Variants in BEST3 observed in about 807,000 individuals in gnomAD.
BEST3 encodes the protein bestrophin 3, also known as bestrophin-3.
BEST3 carries 50 observed loss-of-function variants against 47.1 expected under a neutral mutation model. The observed-to-expected ratio is 1.06, with a 90% CI of 0.85 to 1.34. BEST3 has a LOEUF of 1.34. Ranked by LOEUF, BEST3 falls within the 40% of genes most tolerant of loss-of-function variation. BEST3 has a pLI of 0.00. For synonymous variants in BEST3, 282 were observed against 298.8 expected (o/e 0.94, Z 0.58); for missense variants, 765 against 817.0 (o/e 0.94, Z 0.78).
rs771878919 is a variant in BEST3 at position 69,694,432 on chromosome 12, A to G, written c.185T>C (p.Phe62Ser). The G allele has an allele frequency of 6.2e-7, 1 of 1,609,118 alleles. No homozygotes were observed. The highest frequency in any genetic ancestry group is 2.2e-5 in the East Asian group (1 of 44,620). ...GTCACAGTAAATTGATAATTTTTCA[A>G]AGTAACGTTTTTGGACTCCTGTAAG... ...LLLTGVQKRY[F>S]EKLSIYCDRY... is the part of the protein sequence containing the mutation. Residue 62 changes from phenylalanine (F) to serine (S), a missense_variant, in exon 3 of 10, where the codon TTT becomes TCT. Phe to Ser is a radical substitution (Grantham distance 155). Transcript: ENST00000330891.
chr12:69,668,427 G>A (rs1337447540), intron 9 of BEST3, among the ~76,000 whole-genome samples: 1 of 152,138 alleles, frequency 6.6e-6, no homozygotes, highest in Non-Finnish European at 1.5e-5. Context: ...TCACTCTCAT[G>A]CAAAGAGCTC....
rs780570896 is a variant in BEST3, at chr12:69,676,991, G to A, written c.792C>T (p.Tyr264=). 13 of 1,614,080 alleles carry A rather than the reference G, an allele frequency of 8.1e-6. No homozygotes were observed. The Admixed American group carries it at 1.5e-4, about 19-fold the overall frequency. ...TGTAAAGATCCAAGTCATGCCCTGCGTAGCCTTTGGTGGGATCCAAAAACT... is the reference window on the plus strand; with the variant it reads ...TGTAAAGATCCAAGTCATGCCCTGCATAGCCTTTGGTGGGATCCAAAAACT... ...GRQFLDPTKG[Y]AGHDLDLYIP... The change falls in exon 7 of 10, where the codon TAC becomes TAT. Residue 264 remains tyrosine (Y), a synonymous_variant. Coordinates refer to ENST00000330891, the MANE Select transcript of BEST3 (RefSeq NM_032735.3).
intron 9 of BEST3, among the ~76,000 whole-genome samples, chr12:69,662,857 T>C (rs1031013278): frequency 2.0e-5 from 3 of 152,232 alleles, no homozygotes; most frequent in African/African-American, 7.2e-5. Context: ...GTCAGCAGTT[T>C]AAAGTTTACA....
intron 9 of BEST3, among the ~76,000 whole-genome samples, chr12:69,658,408 C>A (rs1360660116): frequency 6.6e-6 from 1 of 152,114 alleles, no homozygotes; most frequent in Non-Finnish European, 1.5e-5. Context: ...AAGCAAACTG[C>A]AAAACGTCTG....
At chr12:69,689,522 A>C (rs1885828429) in intron 4 of BEST3, among the ~76,000 whole-genome samples, 1 of 152,218 alleles carries the variant, frequency 6.6e-6, no homozygotes, top group Non-Finnish European at 1.5e-5. Flanking sequence ...AAAATTACTT[A>C]CCAGAAGCAC....
intron 9 of BEST3, among the ~76,000 whole-genome samples, chr12:69,663,836 G>A (rs2197359): frequency 0.31 from 46,718 of 151,836 alleles, 8,099 homozygotes; most frequent in South Asian, 0.54. Flanking sequence ...AATACAAAAG[G>A]CAAAAACCAA....
intron 4 of BEST3, among the ~76,000 whole-genome samples, chr12:69,681,290 G>A (rs775479): frequency 0.7 from 106,796 of 151,978 alleles, 37,569 homozygotes; most frequent in South Asian, 0.81. Flanking sequence ...TTAACCATCT[G>A]TAATCAGTTA....
At chr12:69,691,651 G>T (rs537382551) in intron 4 of BEST3, among the ~76,000 whole-genome samples, 200 of 152,220 alleles carry the variant, frequency 1.3e-3, no homozygotes, top group African/African-American at 4.3e-3. Context: ...AATTAGCCAG[G>T]CGTGGTGGTG....
intron 8 of BEST3, 40 bp from the exon 9 acceptor site, chr12:69,671,619 A>C (rs529161232): frequency 2.4e-4 from 392 of 1,600,226 alleles, no homozygotes; most frequent in Non-Finnish European, 3.2e-4. Flanking sequence ...CTCAGATGTA[A>C]ATTAAATAAA....
chr12:69,644,083 A>T (rs1324080053), intron 9 of BEST3, among the ~76,000 whole-genome samples: 1 of 152,214 alleles, frequency 6.6e-6, no homozygotes, highest in Non-Finnish European at 1.5e-5. Flanking sequence ...TTGCCAGTGA[A>T]GCAAGGGAGC....
At chr12:69,671,377 C>G in intron 9 of BEST3, 51 bp downstream of exon 9, 1 of 1,491,140 alleles carries the variant, frequency 6.7e-7, no homozygotes, top group Non-Finnish European at 9.1e-7. Context: ...CAAGGTCTCA[C>G]TATGTTGCTC....
At position 69,697,704 on chromosome 12, in the gene BEST3, A is replaced by G. The variant is rs1181119248; in HGVS notation, c.95T>C (p.Leu32Pro). Residue 32 changes from leucine (L) to proline (P), a missense_variant, in exon 2 of 10, where the codon CTG becomes CCG. Leu to Pro is a moderately conservative substitution (Grantham distance 98, BLOSUM62 -3). Transcript: ENST00000330891. ...AGCAAAAACAATAAATTCCCTGTAC[A>G]GTAGTTTGTAGATGCTGCCTCTCCA... ...LKWRGSIYKL[L>P]YREFIVFAVL... The G allele has an allele frequency of 2.5e-6, 4 of 1,612,932 alleles. No individual in the cohort carries two copies. In the African/African-American group the frequency reaches 5.3e-5, roughly 22 times the overall value.
At chr12:69,689,702 C>T (rs1481441490) in intron 4 of BEST3, among the ~76,000 whole-genome samples, 4 of 152,132 alleles carry the variant, frequency 2.6e-5, no homozygotes, top group South Asian at 2.1e-4. Flanking sequence ...TGTCAATTCT[C>T]TTCTCCCTTC....
chr12:69,663,356 T>G (rs972575928), intron 9 of BEST3, among the ~76,000 whole-genome samples: 2 of 152,240 alleles, frequency 1.3e-5, no homozygotes, highest in Admixed American at 6.5e-5. Flanking sequence ...GGTAAAGTTA[T>G]TTTTATCATG....
chr12:69,664,690 A>C (rs11177784), intron 9 of BEST3, among the ~76,000 whole-genome samples: 15,780 of 147,404 alleles, frequency 0.11, 1,121 homozygotes, highest in Middle Eastern at 0.17. Context: ...AAAATATTAT[A>C]TTTATATATT....
chr12:69,647,164 C>T (rs780090536), intron 9 of BEST3, among the ~76,000 whole-genome samples: 3 of 152,188 alleles, frequency 2.0e-5, no homozygotes, highest in Admixed American at 6.5e-5. Context: ...CTTTGCTGAT[C>T]CCAGGCTCTA....
rs1044249729 is a variant in BEST3 at position 69,653,622 on chromosome 12, T to A, written c.*1285A>T. The A allele has an allele frequency of 5.1e-6, 5 of 984,662 alleles. No homozygotes were observed. The African/African-American group carries it at 8.7e-5, about 17-fold the overall frequency. 61.0% of individuals were successfully genotyped at this position (984,662 alleles called of 1,614,324 possible). Reference sequence around the variant, plus strand: ...CTCAATAAATGGTAGTTTTGAGGGTTATTTTATTTCTAAAGCCATATGTAG... The same window carrying A: ...CTCAATAAATGGTAGTTTTGAGGGTAATTTTATTTCTAAAGCCATATGTAG... On this transcript the variant is annotated 3_prime_UTR_variant, in exon 10 of 10. Transcript: ENST00000330891.
At chr12:69,676,419 T>TAA (rs35764914) in intron 7 of BEST3, among the ~76,000 whole-genome samples, 1,741 of 141,856 alleles carry the variant, frequency 0.012, 23 homozygotes, top group African/African-American at 0.037. Flanking sequence ...TCAGGGAAAG[T>TAA]AAAAAAAAAA....
rs1555208490 is a variant in BEST3 at position 69,686,771 on chromosome 12, C to CAAAAAAACAAAACAAA, written c.481+6902_481+6903insTTTGTTTTGTTTTTTT. Among the ~76,000 whole-genome samples, 40 of 49,914 alleles carry CAAAAAAACAAAACAAA rather than the reference C, an allele frequency of 8.0e-4. 1 individual carries two copies. Among genetic ancestry groups the CAAAAAAACAAAACAAA allele is most frequent in the Non-Finnish European group, 7.1e-4 (21 of 29,410 alleles). 32.7% of individuals were successfully genotyped at this position (49,914 alleles called of 152,430 possible). A position where few individuals can be genotyped will look rare whatever the true frequency, so the allele number is the denominator to read the frequency against. ...TGGGCAACAGAGCAAGATTCTGCCT[C>CAAAAAAACAAAACAAA]AAAAAAACAAAAAAAAAAGAAAGAA... On this transcript the variant is annotated intron_variant, in intron 4 of 9. Coordinates refer to ENST00000330891, the MANE Select transcript of BEST3 (RefSeq NM_032735.3).
Sources: allele counts gnomAD v4.1 joint callset (sites outside exome capture counted in the v4.1 genomes callset), GRCh38; gene constraint gnomAD v4.1.1; transcripts MANE v1.5; gene names NCBI Gene and HGNC (gene_info 2026-07-23, HGNC 2026-07-21).